Variants in PRKDC observed in about 807,000 individuals in gnomAD.
PRKDC encodes the protein DNA-dependent protein kinase catalytic subunit.
Under a neutral mutation model 486.9 loss-of-function variants are expected in PRKDC, and 82 were observed. That is an observed-to-expected ratio of 0.17 (90% CI 0.14 to 0.20). PRKDC has a LOEUF of 0.20. Among genes scored for constraint, PRKDC ranks in the 10% least tolerant of loss-of-function variants. The pLI, the probability that PRKDC is intolerant of heterozygous loss-of-function variation, is 1.00. For synonymous variants in PRKDC, 1,895 were observed against 1,837.0 expected, an observed-to-expected ratio of 1.03 and a Z score of -0.81; for missense variants, 4,504 against 5,038.2, an observed-to-expected ratio of 0.89 and a Z score of 3.21.
intron 21 of PRKDC, 159 bp downstream of exon 21, chr8:47,927,035 G>C: frequency 6.8e-6 from 5 of 731,126 alleles, no homozygotes; most frequent in Non-Finnish European, 8.6e-6. Context: ...ATCACAATTA[G>C]AGTCAGATAA....
intron 7 of PRKDC, among the ~76,000 whole-genome samples, chr8:47,951,212 T>C (rs554465377): frequency 1.3e-4 from 20 of 151,212 alleles, no homozygotes; most frequent in African/African-American, 4.6e-4. Flanking sequence ...GTACAAAAAT[T>C]ACCCATCTGT....
At chr8:47,899,948 G>A (rs1487539985) in intron 28 of PRKDC, among the ~76,000 whole-genome samples, 1 of 152,168 alleles carries the variant, frequency 6.6e-6, no homozygotes, top group Non-Finnish European at 1.5e-5. Flanking sequence ...TCACAGTCCT[G>A]TAATGAGATC....
chr8:47,824,435 C>A (rs558180727), intron 63 of PRKDC, among the ~76,000 whole-genome samples: 1 of 134,918 alleles, frequency 7.4e-6, no homozygotes, highest in African/African-American at 2.8e-5. Context: ...CACCCTACTG[C>A]ACTCCAGCCT....
rs1349182758 is a variant in PRKDC at position 47,857,283 on chromosome 8, G to C, written c.6482C>G (p.Ala2161Gly). ...CAGCAAGGGGCTAAGCCAGTGCTTC[G>C]CGTAAGGGCGAAAGACCTACAAGAG... ...INTEEVFRPYAKHWLSPLLQL... is the reference protein window; with the variant it reads ...INTEEVFRPYGKHWLSPLLQL... The change falls in exon 49 of 86, where the codon GCG becomes GGG. Residue 2161 changes from alanine to glycine, a missense_variant. By Grantham distance (60) the Ala-to-Gly change is moderately conservative (BLOSUM62 0). Around this residue, in one of 6 missense-constraint regions of PRKDC, gnomAD observed 1,592 missense variants for 1,724.6 expected, o/e 0.92. Coordinates refer to ENST00000314191, the MANE Select transcript of PRKDC (RefSeq NM_006904.7). 1 of 1,611,258 alleles carries C rather than the reference G, an allele frequency of 6.2e-7. No individual in the cohort carries two copies. The highest frequency in any genetic ancestry group is 1.1e-5 in the South Asian group (1 of 90,464).
At chr8:47,777,400 G>C (rs189286892) in intron 84 of PRKDC, among the ~76,000 whole-genome samples, 2 of 152,012 alleles carry the variant, frequency 1.3e-5, no homozygotes, top group Non-Finnish European at 2.9e-5. Flanking sequence ...GTAGAGACAG[G>C]GTTTTACCAT....
At chr8:47,774,925 C>T (rs2086577705) in intron 85 of PRKDC, among the ~76,000 whole-genome samples, 1 of 151,816 alleles carries the variant, frequency 6.6e-6, no homozygotes, top group South Asian at 2.1e-4. Context: ...ACTGCATTAG[C>T]CCCATTTTAA....
intron 39 of PRKDC, among the ~76,000 whole-genome samples, chr8:47,878,568 C>T (rs2089139679): frequency 6.6e-6 from 1 of 152,180 alleles, no homozygotes; most frequent in South Asian, 2.1e-4. Flanking sequence ...GTCCTCGCTA[C>T]AGAGGGGATA....
chr8:47,794,420 C>T lies in PRKDC; in HGVS notation c.10540G>A (p.Val3514Ile), dbSNP rs1299379434. ...ALLDKDQAVA[V>I]QHSVEEITDN... ...GTGATTTCTTCCACAGAGTGCTGAACAGCAACGGCTTGGTCTTTGTCCAGT... is the reference window on the plus strand; with the variant it reads ...GTGATTTCTTCCACAGAGTGCTGAATAGCAACGGCTTGGTCTTTGTCCAGT... Residue 3514 changes from valine to isoleucine, a missense_variant, in exon 74 of 86, where the codon GTT (valine) becomes ATT (isoleucine). Physicochemically the swap from Val to Ile is conservative, Grantham distance 29. Transcript: ENST00000314191. 1.2e-6 allele frequency: 2 copies of T among 1,613,762 alleles called. No individual in the cohort carries two copies. Among genetic ancestry groups the T allele is most frequent in the East Asian group, 2.2e-5 (1 of 44,882 alleles).
In PRKDC at chr8:47,774,268, G is replaced by T. The variant is rs1323956173; in HGVS notation, c.12292C>A (p.Leu4098Ile). 4 of 1,609,900 alleles carry T rather than the reference G, an allele frequency of 2.5e-6. No individual in the cohort carries two copies. The African/African-American group carries it at 5.3e-5, about 22-fold the overall frequency. The stretch of plus-strand genomic sequence containing the variant: ...CACTTCACTTGAGTCTCTTCTGAAA[G>T]CCCACTCTCTGGTTCTTGGGCACGA... ...NIRAQEPESG[L>I]SEETQVKCLM... Residue 4098 changes from leucine to isoleucine, a missense_variant, in exon 86 of 86, where the codon CTT (leucine) becomes ATT (isoleucine). Around this residue, in one of 6 missense-constraint regions of PRKDC, gnomAD observed 706 missense variants for 945.0 expected, o/e 0.75. Coordinates refer to ENST00000314191, the MANE Select transcript of PRKDC (RefSeq NM_006904.7).
At chr8:47,890,560 T>C (rs1287642177) in intron 31 of PRKDC, 80 bp from the exon 32 acceptor site, 3 of 1,113,056 alleles carry the variant, frequency 2.7e-6, no homozygotes, top group African/African-American at 1.6e-5. Flanking sequence ...CTTCTGTAAG[T>C]ATAGGCATGG....
rs368585473 is a variant in PRKDC at position 47,927,764 on chromosome 8, C to A, written c.2259+7G>T. ...GAAGAGATGGCTCTGTTCAAGACAA[C>A]GCCTACCTGCAGTGCAGGAACGTAG... On this transcript the variant is annotated splice_region_variant and intron_variant, in intron 20 of 85. Coordinates refer to ENST00000314191, the MANE Select transcript of PRKDC (RefSeq NM_006904.7). 7.3e-6 allele frequency: 11 copies of A among 1,514,520 alleles called. No individual in the cohort carries two copies. Among genetic ancestry groups the A allele is most frequent in the Non-Finnish European group, 8.8e-6 (10 of 1,136,162 alleles). 93.8% of individuals were successfully genotyped at this position (1,514,520 alleles called of 1,614,324 possible).
intron 73 of PRKDC, 25 bp from the exon 74 acceptor site, chr8:47,794,526 T>C (rs763014406): frequency 3.9e-6 from 6 of 1,528,806 alleles, no homozygotes; most frequent in South Asian, 2.3e-5. Context: ...TGAAACTTAA[T>C]GCTGAGTAAA....
chr8:47,939,640 T>C lies in PRKDC; in HGVS notation c.1024A>G (p.Met342Val), dbSNP rs1320620697. The C allele has an allele frequency of 6.2e-7, 1 of 1,612,996 alleles. No homozygotes were observed. The highest frequency in any genetic ancestry group is 1.7e-5 in the Admixed American group (1 of 59,984). Reference protein sequence around the residue: ...EMHKNKLQYFMEQFYGIIRNV... With the variant: ...EMHKNKLQYFVEQFYGIIRNV... ...CTGATGATTCCATAAAACTGCTCCATAAAGTACTGCAGTTTATTTTTATGC... is the reference window on the plus strand; with the variant it reads ...CTGATGATTCCATAAAACTGCTCCACAAAGTACTGCAGTTTATTTTTATGC... Residue 342 changes from methionine to valine, a missense_variant, in exon 11 of 86, where the codon ATG becomes GTG. By Grantham distance (21) the Met-to-Val change is conservative (BLOSUM62 1). Coordinates refer to ENST00000314191, the MANE Select transcript of PRKDC (RefSeq NM_006904.7).
At chr8:47,859,917 A>C (rs992240205) in intron 45 of PRKDC, among the ~76,000 whole-genome samples, 158 bp from the exon 46 acceptor site, 1 of 152,236 alleles carries the variant, frequency 6.6e-6, no homozygotes, top group East Asian at 1.9e-4. Flanking sequence ...TAAGAAAGCA[A>C]AAAAGAAATG....
Position 47,778,573 on chromosome 8 carries a change from G to A in PRKDC, c.11739C>T (p.Ile3913=). The part of the protein sequence containing the change: ...HFASSHALIC[I]SHWILGIGDR... ...CTCCAATCCCGAGGATCCAGTGGCT[G>A]ATGCATATCAGAGCGTGAGAGCTGG... is the stretch of plus-strand genomic sequence containing the variant. The change falls in exon 83 of 86, where the codon ATC becomes ATT. Residue 3913 remains isoleucine (I), a synonymous_variant. Transcript: ENST00000314191. 6.2e-7 allele frequency: 1 copy of A among 1,613,834 alleles called. No individual in the cohort carries two copies. Among genetic ancestry groups the A allele is most frequent in the African/African-American group, 1.3e-5 (1 of 75,042 alleles).
At chr8:47,837,788 C>G (rs1277024177) in intron 56 of PRKDC, among the ~76,000 whole-genome samples, 1 of 151,138 alleles carries the variant, frequency 6.6e-6, no homozygotes, top group East Asian at 1.9e-4. Flanking sequence ...CTTGCCAAAA[C>G]AATCCATTAT....
At chr8:47,859,401 C>T (rs8178143) in intron 46 of PRKDC, among the ~76,000 whole-genome samples, 2 of 152,150 alleles carry the variant, frequency 1.3e-5, no homozygotes, top group African/African-American at 2.4e-5. Flanking sequence ...TGACCTCTGA[C>T]CTCCTACTGT....
chr8:47,830,867 C>G, intron 60 of PRKDC, 131 bp from the exon 61 acceptor site: 1 of 1,105,272 alleles, frequency 9.0e-7, no homozygotes, highest in Non-Finnish European at 1.3e-6. Context: ...CTCGCAGAGG[C>G]TCAGTCGCCG....
intron 41 of PRKDC, among the ~76,000 whole-genome samples, chr8:47,863,845 T>C (rs1461533319): frequency 1.3e-5 from 2 of 152,186 alleles, no homozygotes; most frequent in African/African-American, 4.8e-5. Context: ...AAAATCTTAC[T>C]GAAGACATGG....
Sources: allele counts gnomAD v4.1 joint callset (sites outside exome capture counted in the v4.1 genomes callset), GRCh38; gene constraint gnomAD v4.1.1; regional missense constraint gnomAD v4.1.1; transcripts MANE v1.5; gene names NCBI Gene and HGNC (gene_info 2026-07-23, HGNC 2026-07-21).